The following IL6R variants were observed in gnomAD, a reference collection of about 807,000 sequenced individuals.
The protein encoded by IL6R is interleukin-6 receptor subunit alpha.
A neutral mutation model predicts 48.3 loss-of-function variants in IL6R; 38 were observed. The ratio of observed to expected loss-of-function variants is 0.79; its 90% CI spans 0.61 to 1.03. The LOEUF is 1.03. Ranked by LOEUF, IL6R falls within the 50% of genes least tolerant of loss-of-function variation. The pLI is 0.00. For synonymous variants in IL6R, 264 were observed against 256.2 expected, an observed-to-expected ratio of 1.03 and a Z score of -0.29; for missense variants, 534 against 618.3, an observed-to-expected ratio of 0.86 and a Z score of 1.45.
chr1:154,417,423 A>T (rs1688415407), intron 1 of IL6R, among the ~76,000 whole-genome samples: 2 of 152,100 alleles, frequency 1.3e-5, no homozygotes, highest in Admixed American at 1.3e-4. Context: ...GCTTCTCCTC[A>T]CTGTCCCTTT....
Position 154,465,576 on chromosome 1 carries a change from A to C in IL6R, c.*196A>C. The C allele has an allele frequency of 1.6e-6, 1 of 626,158 alleles. No individual in the cohort carries two copies. Among genetic ancestry groups the C allele is most frequent in the Non-Finnish European group, 2.8e-6 (1 of 361,152 alleles). The allele number at this position is 626,158 out of a possible 1,614,324, so 38.8% of individuals were successfully genotyped here. On this transcript the variant is annotated 3_prime_UTR_variant, in exon 10 of 10. Transcript: ENST00000368485. Reference sequence around the variant, plus strand: ...GCTGTTCAGCTGGTTGAGGTTTCAAACCTCCCTTTCCAAATGCCCAGCTTA... The same window carrying C: ...GCTGTTCAGCTGGTTGAGGTTTCAACCCTCCCTTTCCAAATGCCCAGCTTA...
chr1:154,435,139 A>G lies in IL6R; in HGVS notation c.790A>G (p.Thr264Ala). 1 of 1,614,138 alleles carries G rather than the reference A, an allele frequency of 6.2e-7. No individual in the cohort carries two copies. Among genetic ancestry groups the G allele is most frequent in the Non-Finnish European group, 8.5e-7 (1 of 1,180,006 alleles). The change falls in exon 5 of 10, where the codon ACA becomes GCA. Residue 264 changes from threonine (T) to alanine (A), a missense_variant. Transcript: ENST00000368485. ...ELRYRAERSK[T>A]FTTWMVKDLQ... is the part of the protein sequence containing the mutation. ...CAGATATCGGGCTGAACGGTCAAAG[A>G]CATTCACAACATGGATGGTAAATTT...
chr1:154,454,212 C>T, intron 8 of IL6R: 1 of 479,352 alleles, frequency 2.1e-6, no homozygotes, highest in Admixed American at 3.5e-5. Context: ...GCTCAGAAAC[C>T]CTGAGCTTGA....
At chr1:154,430,640 G>C in intron 3 of IL6R, 34 bp downstream of exon 3, 2 of 1,613,462 alleles carry the variant, frequency 1.2e-6, no homozygotes, top group Non-Finnish European at 1.7e-6. Flanking sequence ...GTGCATGTTG[G>C]CTCCCTCCTT....
chr1:154,415,218 C>T (rs955258725), intron 1 of IL6R: 1 of 647,116 alleles, frequency 1.5e-6, no homozygotes, highest in Non-Finnish European at 2.8e-6. Context: ...CACCTCCACC[C>T]CCATTCCAAT....
intron 1 of IL6R, chr1:154,414,780 C>A: frequency 1.3e-6 from 1 of 765,282 alleles, no homozygotes; most frequent in Admixed American, 1.9e-5. Flanking sequence ...GCAGCCACTC[C>A]AGCTCCATGT....
At chr1:154,433,245 C>A (rs1013682053) in intron 3 of IL6R, among the ~76,000 whole-genome samples, 3 of 152,230 alleles carry the variant, frequency 2.0e-5, no homozygotes, top group African/African-American at 7.2e-5. Context: ...GAACCCAAGT[C>A]AGAGGTGGCA....
rs1445070359 is a variant in IL6R at position 154,422,350 on chromosome 1, C to T, written c.86-6846C>T. 3.3e-5 allele frequency among the ~76,000 whole-genome samples: 5 copies of T among 152,334 alleles called. No individual in the cohort carries two copies. The South Asian group carries it at 1.0e-3, about 32-fold the overall frequency. ...ATTTATCAAGGCCCCAATAAAATCT[C>T]TCTTCCCCCTTTAGAATAATTGATC... On this transcript the variant is annotated intron_variant, in intron 1 of 9. Coordinates refer to ENST00000368485, the MANE Select transcript of IL6R (RefSeq NM_000565.4).
intron 1 of IL6R, among the ~76,000 whole-genome samples, chr1:154,408,287 C>T (rs1243187964): frequency 6.6e-6 from 1 of 152,200 alleles, no homozygotes; most frequent in African/African-American, 2.4e-5. Flanking sequence ...TTCGGGCTCT[C>T]TGTTGCCAGA....
Position 154,405,550 on chromosome 1 carries a change from G to GCCCCTGCCA in IL6R, c.-71_-63dup, listed in dbSNP as rs1340185554. On this transcript the variant is annotated 5_prime_UTR_variant, in exon 1 of 10. Coordinates refer to ENST00000368485, the MANE Select transcript of IL6R (RefSeq NM_000565.4). The surrounding 1 kb of genome is among the most constrained non-coding windows in gnomAD (Gnocchi z 5.2). Reference sequence around the variant, plus strand: ...GCCTGCCCGCCCACCGCCCCGCCCCGCCCCTGCCACCCCTGCCGCCCGGTT... The same window carrying GCCCCTGCCA: ...GCCTGCCCGCCCACCGCCCCGCCCCGCCCCTGCCACCCCTGCCACCCCTGCCGCCCGGTT... The GCCCCTGCCA allele has an allele frequency of 2.3e-3, 160 of 69,418 alleles. 2 individuals carry two copies. Among genetic ancestry groups the GCCCCTGCCA allele is most frequent in the Middle Eastern group, 4.9e-3 (1 of 206 alleles). 4.3% of individuals were successfully genotyped at this position (69,418 alleles called of 1,614,324 possible).
chr1:154,448,875 CTT>C (rs757221328), intron 7 of IL6R, among the ~76,000 whole-genome samples: 1,801 of 73,224 alleles, frequency 0.025, 255 homozygotes, highest in African/African-American at 0.087. Flanking sequence ...CTTGTAAGGG[CTT>C]TTTTTTTTTT....
chr1:154,413,634 T>G (rs1688165512), intron 1 of IL6R, among the ~76,000 whole-genome samples: 2 of 152,146 alleles, frequency 1.3e-5, no homozygotes, highest in African/African-American at 4.8e-5. Flanking sequence ...ATTGTATGGG[T>G]TTTTTAATGT....
At chr1:154,418,012 C>T (rs889294699) in intron 1 of IL6R, among the ~76,000 whole-genome samples, 13 of 152,136 alleles carry the variant, frequency 8.5e-5, no homozygotes, top group African/African-American at 2.7e-4. Flanking sequence ...GGATTACAGG[C>T]GTGAGCCACT....
At chr1:154,459,343 G>C (rs187118644) in intron 9 of IL6R, among the ~76,000 whole-genome samples, 4 of 152,350 alleles carry the variant, frequency 2.6e-5, no homozygotes, top group Admixed American at 2.6e-4. Context: ...AGCCTAGTGA[G>C]TTTCCATTTT....
At chr1:154,416,705 GGGTGGGGATGGCTCA>G (rs1424517476) in intron 1 of IL6R, among the ~76,000 whole-genome samples, 1 of 152,132 alleles carries the variant, frequency 6.6e-6, no homozygotes, top group Non-Finnish European at 1.5e-5. Context: ...GGAGCGGAGG[GGGTGGGGATGGCTCA>G]GCAGTGATTG....
chr1:154,417,447 C>T (rs1688417152), intron 1 of IL6R, among the ~76,000 whole-genome samples: 1 of 152,220 alleles, frequency 6.6e-6, no homozygotes, highest in Non-Finnish European at 1.5e-5. Flanking sequence ...GACCAAAATA[C>T]TGGGTGTATC....
intron 1 of IL6R, among the ~76,000 whole-genome samples, chr1:154,420,392 GCC>G (rs1688591620): frequency 6.6e-6 from 1 of 151,856 alleles, no homozygotes; most frequent in East Asian, 1.9e-4. Context: ...GCGGTGACGT[GCC>G]CATGGCTGCC....
chr1:154,441,381 A>G (rs531044998), intron 6 of IL6R, among the ~76,000 whole-genome samples: 38 of 152,326 alleles, frequency 2.5e-4, no homozygotes, highest in African/African-American at 8.7e-4. Context: ...GTGGGAGCTC[A>G]GATAGAACAG....
At chr1:154,435,856 G>C (rs1297838366) in intron 5 of IL6R, 113 bp from the exon 6 acceptor site, 3 of 919,510 alleles carry the variant, frequency 3.3e-6, no homozygotes, top group East Asian at 5.5e-5. Context: ...GGAGCCTCTA[G>C]AGGCCTCTGC....
Sources: allele counts gnomAD v4.1 joint callset (sites outside exome capture counted in the v4.1 genomes callset), GRCh38; gene constraint gnomAD v4.1.1; non-coding constraint Gnocchi (gnomAD v3.1); transcripts MANE v1.5; gene names NCBI Gene and HGNC (gene_info 2026-07-23, HGNC 2026-07-21).